The following DLG2 variants were observed in gnomAD, a reference collection of about 807,000 sequenced individuals.
DLG2 encodes the protein disks large homolog 2.
In DLG2, 45 loss-of-function variants were observed where a neutral mutation model predicts 132.5. The ratio of observed to expected loss-of-function variants is 0.34; its 90% CI spans 0.27 to 0.44. The LOEUF is 0.44. Ranked by LOEUF, DLG2 falls within the 20% of genes least tolerant of loss-of-function variation. The pLI is 1.00. For synonymous variants in DLG2, 424 were observed against 419.6 expected (o/e 1.01, Z -0.13); for missense variants, 1,045 against 1,196.9 (o/e 0.87, Z 1.87).
At position 85,594,466 on chromosome 11, in the gene DLG2, C is replaced by G. The variant is rs559840816; in HGVS notation, c.40+4191G>C. The stretch of plus-strand genomic sequence containing the variant: ...TTCTCCTCTAATTTCCCTCTAATTC[C>G]TCTCCAAAAAATTCCCCCTCACACA... On this transcript the variant is annotated intron_variant, in intron 3 of 27. Transcript: ENST00000376104. 2.0e-5 allele frequency among the ~76,000 whole-genome samples: 3 copies of G among 152,150 alleles called. No homozygotes were observed. In the East Asian group the frequency reaches 5.8e-4, roughly 29 times the overall value.
At chr11:84,482,464 T>C (rs2099140331) in intron 7 of DLG2, among the ~76,000 whole-genome samples, 2 of 152,220 alleles carry the variant, frequency 1.3e-5, no homozygotes, top group Non-Finnish European at 1.5e-5. Context: ...TTTGAAAACA[T>C]TGATTATGTC....
rs2098501818 is a variant in DLG2, at chr11:84,339,058, A to C, written c.520-87767T>G. Among the ~76,000 whole-genome samples the C allele has an allele frequency of 2.0e-5, 3 of 152,292 alleles. No homozygotes were observed. In the South Asian group the frequency reaches 6.2e-4, roughly 32 times the overall value. On this transcript the variant is annotated intron_variant, in intron 7 of 27. Coordinates refer to ENST00000376104, the MANE Select transcript of DLG2 (RefSeq NM_001142699.3). Reference sequence around the variant, plus strand: ...ATTTCATTAAATATTCAAGAGCTCTATATCTTGAGCATGTACATTTACATA... The same window carrying C: ...ATTTCATTAAATATTCAAGAGCTCTCTATCTTGAGCATGTACATTTACATA...
chr11:85,576,971 C>T (rs905388190), intron 3 of DLG2, among the ~76,000 whole-genome samples: 1 of 151,948 alleles, frequency 6.6e-6, no homozygotes, highest in Non-Finnish European at 1.5e-5. Flanking sequence ...TGCTCTGAAG[C>T]AGAAAGTTTA....
intron 6 of DLG2, among the ~76,000 whole-genome samples, chr11:84,876,689 C>G (rs768682375): frequency 6.6e-6 from 1 of 152,102 alleles, no homozygotes; most frequent in Non-Finnish European, 1.5e-5. Flanking sequence ...TCCTTCAGTT[C>G]TGCTCTGATC....
intron 6 of DLG2, among the ~76,000 whole-genome samples, chr11:84,798,331 C>G (rs2074934353): frequency 6.6e-6 from 1 of 152,122 alleles, no homozygotes; most frequent in Non-Finnish European, 1.5e-5. Context: ...TAAAAAAAAC[C>G]ATCAAAATTT....
At chr11:83,897,864 T>A (rs1429764178) in intron 15 of DLG2, among the ~76,000 whole-genome samples, 2 of 152,204 alleles carry the variant, frequency 1.3e-5, no homozygotes, top group African/African-American at 4.8e-5. Context: ...TGTGTTTTGT[T>A]AATTGCTTTA....
At chr11:85,002,631 T>C (rs554523280) in intron 6 of DLG2, among the ~76,000 whole-genome samples, 8 of 152,150 alleles carry the variant, frequency 5.3e-5, no homozygotes, top group Non-Finnish European at 1.0e-4. Flanking sequence ...TCCACATTGG[T>C]ATTTGTGTTT....
intron 11 of DLG2, among the ~76,000 whole-genome samples, chr11:83,985,165 A>G (rs2093159163): frequency 6.6e-6 from 1 of 152,056 alleles, no homozygotes; most frequent in Admixed American, 6.6e-5. Context: ...GACTCTGTTA[A>G]AGCAGGGGCA....
intron 4 of DLG2, among the ~76,000 whole-genome samples, chr11:85,277,435 G>A (rs988988700): frequency 3.3e-5 from 5 of 152,048 alleles, no homozygotes; most frequent in African/African-American, 1.2e-4. Context: ...AGTATTTCTG[G>A]TAAGTATGAA....
chr11:83,952,519 A>T (rs2154148340), intron 14 of DLG2, among the ~76,000 whole-genome samples: 1 of 152,358 alleles, frequency 6.6e-6, no homozygotes, highest in African/African-American at 2.4e-5. Context: ...TGAAGGCAGA[A>T]AGATTGTATA....
intron 6 of DLG2, among the ~76,000 whole-genome samples, chr11:84,757,198 A>G (rs1183543907): frequency 6.6e-6 from 1 of 152,126 alleles, no homozygotes; most frequent in African/African-American, 2.4e-5. Flanking sequence ...CCAGTCTGCA[A>G]AACTGTTTGT....
intron 18 of DLG2, among the ~76,000 whole-genome samples, chr11:83,705,644 CAAAAT>C (rs1331049071): frequency 6.6e-6 from 1 of 151,926 alleles, no homozygotes; most frequent in Non-Finnish European, 1.5e-5. Context: ...AAAAGAACAA[CAAAAT>C]AAATCTAAGA....
chr11:84,248,575 G>A (rs1476012573), intron 8 of DLG2, among the ~76,000 whole-genome samples: 1 of 152,090 alleles, frequency 6.6e-6, no homozygotes, highest in Non-Finnish European at 1.5e-5. Context: ...AGTTGATTAG[G>A]CCAGGAATAG....
chr11:84,464,116 G>A (rs933259271), intron 7 of DLG2, among the ~76,000 whole-genome samples: 2 of 151,154 alleles, frequency 1.3e-5, no homozygotes, highest in Admixed American at 6.6e-5. Flanking sequence ...TAAATTGACC[G>A]ATTCGACAGA....
chr11:84,428,004 GAAGAA>G (rs1444488329), intron 7 of DLG2, among the ~76,000 whole-genome samples: 1 of 152,198 alleles, frequency 6.6e-6, no homozygotes, highest in African/African-American at 2.4e-5. Flanking sequence ...GTGTGGAAGA[GAAGAA>G]AAGTATTTTG....
At chr11:85,007,976 G>A (rs2058841230) in intron 6 of DLG2, among the ~76,000 whole-genome samples, 1 of 152,112 alleles carries the variant, frequency 6.6e-6, no homozygotes, top group Non-Finnish European at 1.5e-5. Flanking sequence ...CACATTGTGT[G>A]TACCAAGTAT....
At chr11:84,198,633 T>C (rs1413512530) in intron 8 of DLG2, among the ~76,000 whole-genome samples, 3 of 152,140 alleles carry the variant, frequency 2.0e-5, no homozygotes, top group African/African-American at 7.2e-5. Context: ...ATGACAATTA[T>C]CTACAATTAG....
At chr11:84,007,636 T>C (rs898003216) in intron 11 of DLG2, among the ~76,000 whole-genome samples, 1 of 151,738 alleles carries the variant, frequency 6.6e-6, no homozygotes, top group Non-Finnish European at 1.5e-5. Context: ...AAATAATAAA[T>C]GGACTATTGG....
chr11:84,084,117 G>T (rs1331101278), intron 10 of DLG2, among the ~76,000 whole-genome samples: 1 of 152,160 alleles, frequency 6.6e-6, no homozygotes, highest in African/African-American at 2.4e-5. Flanking sequence ...GCTCAAAAGT[G>T]ACCAAAGGGC....
Sources: gnomAD v4.1 joint callset for allele counts (sites outside exome capture counted in the v4.1 genomes callset) on GRCh38, gnomAD v4.1.1 for gene constraint, MANE v1.5 for transcripts, NCBI Gene and HGNC (gene_info 2026-07-23, HGNC 2026-07-21) for gene names.